The following MTOR variants were observed in gnomAD, a reference collection of about 807,000 sequenced individuals.
The protein encoded by MTOR is mechanistic target of rapamycin kinase, also known as serine/threonine-protein kinase mTOR.
A neutral mutation model predicts 319.8 loss-of-function variants in MTOR; 70 were observed. That is an observed-to-expected ratio of 0.22 (90% CI 0.18 to 0.27). MTOR has a LOEUF of 0.27. Ranked by LOEUF, MTOR falls within the 10% of genes least tolerant of loss-of-function variation. The pLI is 1.00. For missense variants in MTOR, 1,890 were observed against 3,274.4 expected, an observed-to-expected ratio of 0.58 and a Z score of 10.32; for synonymous variants, 1,183 against 1,211.4, an observed-to-expected ratio of 0.98 and a Z score of 0.49.
At chr1:11,164,793 C>T (rs574816471) in intron 29 of MTOR, among the ~76,000 whole-genome samples, 27 of 152,282 alleles carry the variant, frequency 1.8e-4, no homozygotes, top group African/African-American at 6.5e-4. Flanking sequence ...AGAGACACAA[C>T]AAAACAAGAG....
At chr1:11,130,831 C>T (rs1643112381) in intron 38 of MTOR, 54 bp from the exon 39 acceptor site, 41 of 1,531,224 alleles carry the variant, frequency 2.7e-5, no homozygotes, top group Non-Finnish European at 3.5e-5. Context: ...AACAGCAGGG[C>T]TCAGAGGAGC....
intron 47 of MTOR, among the ~76,000 whole-genome samples, chr1:11,123,450 C>A (rs1004611875): frequency 7.5e-6 from 1 of 133,462 alleles, no homozygotes; most frequent in South Asian, 2.4e-4. Flanking sequence ...GGATTACAGG[C>A]GTGAGTCACT....
At chr1:11,208,434 A>C (rs1225191248) in intron 25 of MTOR, among the ~76,000 whole-genome samples, 1 of 152,250 alleles carries the variant, frequency 6.6e-6, no homozygotes, top group African/African-American at 2.4e-5. Flanking sequence ...TCAAATCTTT[A>C]TGGGTTTTTC....
chr1:11,164,344 A>AG (rs1286364120), intron 29 of MTOR, among the ~76,000 whole-genome samples: 1 of 151,526 alleles, frequency 6.6e-6, no homozygotes, highest in East Asian at 1.9e-4. Flanking sequence ...GAAAAAAAAA[A>AG]AAAAAAAAAA....
Position 11,233,402 on chromosome 1 carries a change from G to A in MTOR, c.2417C>T (p.Ala806Val). ...NNVLATIGEL[A>V]QVSGLEMRKW... The stretch of plus-strand genomic sequence containing the variant: ...AAAAAGTAGCTGCCCCTTTACCTGT[G>A]CCAATTCTCCTATTGTTGCCAGGAC... Residue 806 changes from alanine (A) to valine (V), a missense_variant, in exon 15 of 58, where the codon GCA becomes GTA. Physicochemically the swap from Ala to Val is moderately conservative, Grantham distance 64 (BLOSUM62 0). Transcript: ENST00000361445. 1 of 1,613,772 alleles carries A rather than the reference G, an allele frequency of 6.2e-7. No individual in the cohort carries two copies. The highest frequency in any genetic ancestry group is 8.5e-7 in the Non-Finnish European group (1 of 1,179,814).
chr1:11,217,805 C>T (rs1646522513), intron 19 of MTOR, among the ~76,000 whole-genome samples: 1 of 151,750 alleles, frequency 6.6e-6, no homozygotes, highest in Non-Finnish European at 1.5e-5. Flanking sequence ...CACTCCTATC[C>T]ACATGCAAGT....
At chr1:11,207,377 A>G (rs910555654) in intron 25 of MTOR, among the ~76,000 whole-genome samples, 5 of 150,306 alleles carry the variant, frequency 3.3e-5, no homozygotes, top group African/African-American at 1.2e-4. Context: ...TTGGAATTAC[A>G]GGCATGAGCC....
rs556299051 is a variant in MTOR, at chr1:11,139,730, C to T, written c.4873-72G>A. The T allele has an allele frequency of 3.0e-4, 480 of 1,589,500 alleles. 2 individuals carry two copies. The African/African-American group carries it at 5.4e-3, about 18-fold the overall frequency. The stretch of plus-strand genomic sequence containing the variant: ...TTTTTGTGGCAGAGTCTTGCTCTGT[C>T]GCCCAGGCTGGAGTGCAGTGGTGCA... On this transcript the variant is annotated intron_variant, in intron 34 of 57. Coordinates refer to ENST00000361445, the MANE Select transcript of MTOR (RefSeq NM_004958.4).
intron 29 of MTOR, among the ~76,000 whole-genome samples, chr1:11,161,680 G>A (rs1644484088): frequency 6.6e-6 from 1 of 152,172 alleles, no homozygotes; most frequent in African/African-American, 2.4e-5. Flanking sequence ...ACGGGGTCTG[G>A]AGTGGACCTC....
At chr1:11,217,465 C>A (rs1223515241) in intron 19 of MTOR, among the ~76,000 whole-genome samples, 1 of 151,228 alleles carries the variant, frequency 6.6e-6, no homozygotes. Flanking sequence ...GATCTCGGCT[C>A]ACTGCAAGCT....
At chr1:11,209,558 A>C (rs1646247603) in intron 24 of MTOR, 100 bp from the exon 25 acceptor site, 2 of 1,395,362 alleles carry the variant, frequency 1.4e-6, no homozygotes, top group Non-Finnish European at 2.0e-6. Flanking sequence ...TGGTAGAGCC[A>C]GGATTTCAGT....
intron 28 of MTOR, among the ~76,000 whole-genome samples, chr1:11,167,893 C>T (rs1349999084): frequency 6.6e-6 from 1 of 152,080 alleles, no homozygotes; most frequent in Non-Finnish European, 1.5e-5. Flanking sequence ...CAAGGTGAAA[C>T]CCTGTCTCTA....
At chr1:11,110,464 A>G (rs1641803536) in intron 54 of MTOR, among the ~76,000 whole-genome samples, 1 of 151,468 alleles carries the variant, frequency 6.6e-6, no homozygotes, top group East Asian at 2.0e-4. Flanking sequence ...GTGCAGTGGC[A>G]TGATATCGGC....
At position 11,237,859 on chromosome 1, in the gene MTOR, C is replaced by T. The variant is rs2100898142; in HGVS notation, c.2192G>A (p.Arg731His). ...MNPAFVMPFLRKMLIQILTEL... is the reference protein window; with the variant it reads ...MNPAFVMPFLHKMLIQILTEL... ...CTCGGTTACCTGGATGAGCATCTTG[C>T]GCAGGAAAGGCATGACAAAGGCAGG... The change falls in exon 13 of 58, where the codon CGC (arginine) becomes CAC (histidine). Residue 731 changes from arginine to histidine, a missense_variant. Transcript: ENST00000361445. The T allele has an allele frequency of 6.2e-7, 1 of 1,613,936 alleles. No homozygotes were observed. The highest frequency in any genetic ancestry group is 8.5e-7 in the Non-Finnish European group (1 of 1,180,042).
chr1:11,221,552 G>A (rs984381638), intron 19 of MTOR, among the ~76,000 whole-genome samples: 9 of 151,666 alleles, frequency 5.9e-5, no homozygotes, highest in African/African-American at 1.9e-4. Context: ...AGGTTTGAGT[G>A]AAATATACTT....
Position 11,212,737 on chromosome 1 carries a change from A to G in MTOR, c.3398+59T>C, listed in dbSNP as rs1646351398. The G allele has an allele frequency of 7.0e-7, 1 of 1,425,044 alleles. No homozygotes were observed. Among genetic ancestry groups the G allele is most frequent in the East Asian group, 2.3e-5 (1 of 43,628 alleles). 88.3% of individuals were successfully genotyped at this position (1,425,044 alleles called of 1,614,324 possible). A position where few individuals can be genotyped will look rare whatever the true frequency, so the allele number is the denominator to read the frequency against. The stretch of plus-strand genomic sequence containing the variant: ...GATGGCCTGGGAACTTAAGAAATGA[A>G]CATTTTCAACAAAACATTAAAGCTT... On this transcript the variant is annotated intron_variant, in intron 22 of 57. Transcript: ENST00000361445. This position sits in a 1 kb window ranked among gnomAD's most constrained non-coding sequence, Gnocchi z 4.1.
At chr1:11,140,742 A>G (rs866965475) in intron 34 of MTOR, among the ~76,000 whole-genome samples, 14 of 152,346 alleles carry the variant, frequency 9.2e-5, no homozygotes, top group Middle Eastern at 3.4e-3. Flanking sequence ...GATTGATTTC[A>G]ATTTATTTTG....
chr1:11,229,591 A>G (rs1030099880), intron 18 of MTOR, among the ~76,000 whole-genome samples: 21 of 152,188 alleles, frequency 1.4e-4, no homozygotes, highest in Non-Finnish European at 2.9e-4. Flanking sequence ...CCTCTCTAAT[A>G]CCAGAAGAGG....
At chr1:11,193,269 C>T (rs1345000254) in intron 28 of MTOR, among the ~76,000 whole-genome samples, 1 of 151,922 alleles carries the variant, frequency 6.6e-6, no homozygotes. Flanking sequence ...GAGATTGCAC[C>T]ACTGTACTCT....
Sources: allele counts gnomAD v4.1 joint callset (sites outside exome capture counted in the v4.1 genomes callset), GRCh38; gene constraint gnomAD v4.1.1; non-coding constraint Gnocchi (gnomAD v3.1); transcripts MANE v1.5; gene names NCBI Gene and HGNC (gene_info 2026-07-23, HGNC 2026-07-21).